NCAM2: variants seen among roughly 807,000 people sequenced by gnomAD.
NCAM2 encodes neural cell adhesion molecule 2, also known as N-CAM-2.
In NCAM2, 30 loss-of-function variants were observed where a neutral mutation model predicts 98.1. The ratio of observed to expected loss-of-function variants is 0.31; its 90% CI spans 0.23 to 0.41. The LOEUF is 0.41. Ranked by LOEUF, NCAM2 falls within the 10% of genes least tolerant of loss-of-function variation. NCAM2 has a pLI of 1.00. For synonymous variants in NCAM2, 368 were observed against 342.4 expected, an observed-to-expected ratio of 1.07 and a Z score of -0.83; for missense variants, 867 against 1,005.8, an observed-to-expected ratio of 0.86 and a Z score of 1.87.
intron 1 of NCAM2, among the ~76,000 whole-genome samples, chr21:21,161,272 CG>C (rs1439245393): frequency 2.6e-5 from 4 of 151,750 alleles, no homozygotes; most frequent in African/African-American, 9.7e-5. Context: ...AATTTTAAGA[CG>C]GAAAAAGGAC....
At chr21:21,498,535 A>G (rs1569120602) in intron 15 of NCAM2, among the ~76,000 whole-genome samples, 1 of 152,172 alleles carries the variant, frequency 6.6e-6, no homozygotes, top group Admixed American at 6.5e-5. Context: ...TTATTTCTGT[A>G]AGCAGTTTTA....
chr21:21,116,399 T>C (rs1205438945), intron 1 of NCAM2, among the ~76,000 whole-genome samples: 1 of 152,194 alleles, frequency 6.6e-6, no homozygotes, highest in African/African-American at 2.4e-5. Flanking sequence ...GAGTTAAATA[T>C]ATATGTAGCA....
At chr21:21,453,606 AC>A (rs1981674462) in intron 12 of NCAM2, among the ~76,000 whole-genome samples, 1 of 152,082 alleles carries the variant, frequency 6.6e-6, no homozygotes, top group Admixed American at 6.6e-5. Context: ...GTAGGGAACA[AC>A]CTTTCTCAAA....
intron 1 of NCAM2, among the ~76,000 whole-genome samples, chr21:21,214,302 T>A (rs2069777200): frequency 6.6e-6 from 1 of 152,180 alleles, no homozygotes; most frequent in Admixed American, 6.5e-5. Context: ...TTCTGCATTC[T>A]TTAGTAATGT....
At chr21:21,066,392 T>C (rs185553166) in intron 1 of NCAM2, among the ~76,000 whole-genome samples, 1 of 152,034 alleles carries the variant, frequency 6.6e-6, no homozygotes, top group South Asian at 2.1e-4. Flanking sequence ...AATGTATGAC[T>C]CTAAATGCAG....
intron 6 of NCAM2, among the ~76,000 whole-genome samples, chr21:21,325,726 A>G (rs1353411328): frequency 1.3e-5 from 2 of 152,118 alleles, no homozygotes; most frequent in Non-Finnish European, 2.9e-5. Flanking sequence ...CTTTTTTCCT[A>G]TGGTTTTGTA....
intron 1 of NCAM2, among the ~76,000 whole-genome samples, chr21:21,107,954 A>G (rs953032341): frequency 2.6e-5 from 4 of 152,152 alleles, no homozygotes; most frequent in African/African-American, 7.2e-5. Flanking sequence ...TTGTTCTACA[A>G]TTTATTAATA....
chr21:21,340,866 T>G (rs1321547812), intron 8 of NCAM2, among the ~76,000 whole-genome samples: 1 of 151,974 alleles, frequency 6.6e-6, no homozygotes, highest in African/African-American at 2.4e-5. Flanking sequence ...CCAGTGTTAT[T>G]TGAACTCTTT....
At chr21:21,325,583 C>A (rs1334452530) in intron 6 of NCAM2, among the ~76,000 whole-genome samples, 1 of 152,104 alleles carries the variant, frequency 6.6e-6, no homozygotes, top group African/African-American at 2.4e-5. Flanking sequence ...CATATCCACC[C>A]CAGATAATCA....
intron 1 of NCAM2, among the ~76,000 whole-genome samples, chr21:21,068,646 T>G (rs112631677): frequency 0.037 from 5,619 of 151,590 alleles, 323 homozygotes; most frequent in African/African-American, 0.13. Flanking sequence ...TTTTAGTAGA[T>G]AAGGGGTTTC....
At chr21:21,072,967 C>T (rs2146371737) in intron 1 of NCAM2, among the ~76,000 whole-genome samples, 1 of 150,810 alleles carries the variant, frequency 6.6e-6, no homozygotes, top group African/African-American at 2.5e-5. Context: ...ACCCATTAAG[C>T]AATAACTTTC....
chr21:21,157,677 G>A (rs1395789050), intron 1 of NCAM2, among the ~76,000 whole-genome samples: 1 of 151,802 alleles, frequency 6.6e-6, no homozygotes, highest in Non-Finnish European at 1.5e-5. Context: ...AAAAAACTTC[G>A]TAAAACATGC....
chr21:21,068,428 A>T (rs549367435), intron 1 of NCAM2, among the ~76,000 whole-genome samples: 94 of 150,294 alleles, frequency 6.3e-4, no homozygotes, highest in African/African-American at 2.3e-3. Flanking sequence ...GCCACCACAC[A>T]ACAGTGTCCT....
intron 1 of NCAM2, among the ~76,000 whole-genome samples, chr21:21,054,747 A>T (rs9637135): frequency 0.06 from 9,106 of 152,110 alleles, 287 homozygotes; most frequent in East Asian, 0.097. Flanking sequence ...AGATTTTGAA[A>T]ATTTGTCTCA....
At chr21:21,443,229 G>C (rs1979576261) in intron 12 of NCAM2, among the ~76,000 whole-genome samples, 1 of 152,110 alleles carries the variant, frequency 6.6e-6, no homozygotes. Context: ...TGAACAATGA[G>C]AACACATGGA....
intron 1 of NCAM2, among the ~76,000 whole-genome samples, chr21:21,130,322 T>C (rs1319277103): frequency 6.6e-6 from 1 of 152,154 alleles, no homozygotes; most frequent in East Asian, 1.9e-4. Context: ...AAATTAATAT[T>C]GTCAATAGGA....
chr21:21,139,477 C>G (rs2067124178), intron 1 of NCAM2, among the ~76,000 whole-genome samples: 1 of 152,160 alleles, frequency 6.6e-6, no homozygotes, highest in Non-Finnish European at 1.5e-5. Flanking sequence ...CGACTTTTCA[C>G]AAACAACCTT....
At chr21:21,512,995 A>C (rs1418244401) in intron 16 of NCAM2, among the ~76,000 whole-genome samples, 1 of 152,042 alleles carries the variant, frequency 6.6e-6, no homozygotes, top group African/African-American at 2.4e-5. Flanking sequence ...TGGAGTTTTT[A>C]GCATTTTCTA....
intron 1 of NCAM2, among the ~76,000 whole-genome samples, chr21:21,125,271 A>G (rs2066765054): frequency 7.1e-6 from 1 of 141,422 alleles, no homozygotes; most frequent in African/African-American, 2.6e-5. Flanking sequence ...ATATTTATTC[A>G]ACTGTATCAT....
Sources: gnomAD v4.1 joint callset for allele counts (sites outside exome capture counted in the v4.1 genomes callset) on GRCh38, gnomAD v4.1.1 for gene constraint, MANE v1.5 for transcripts, NCBI Gene and HGNC (gene_info 2026-07-23, HGNC 2026-07-21) for gene names.